Variants in LY6G5C observed in about 807,000 individuals in gnomAD.
LY6G5C encodes the protein lymphocyte antigen 6 complex locus protein G5c.
In LY6G5C, 6 loss-of-function variants were observed where a neutral mutation model predicts 10.5. That is an observed-to-expected ratio of 0.57 (90% CI 0.31 to 1.12). LY6G5C has a LOEUF of 1.12. Among genes scored for constraint, LY6G5C ranks in the 50% most tolerant of loss-of-function variants. The pLI, the probability that LY6G5C is intolerant of heterozygous loss-of-function variation, is 0.05. For synonymous variants in LY6G5C, 69 were observed against 67.8 expected, an observed-to-expected ratio of 1.02 and a Z score of -0.09; for missense variants, 160 against 185.5, an observed-to-expected ratio of 0.86 and a Z score of 0.80.
In LY6G5C at chr6:31,679,050, G is replaced by C. The variant is rs1359217669; in HGVS notation, c.289+51C>G. The C allele has an allele frequency of 3.8e-6, 6 of 1,584,544 alleles. No individual in the cohort carries two copies. The highest frequency in any genetic ancestry group is 5.2e-6 in the Non-Finnish European group (6 of 1,154,614). ...TGGGGTGCAGCTTAGGAGGCTGAGA[G>C]AGTTTCCGTTTGGGAGAGTGCTGGG... On this transcript the variant is annotated intron_variant, in intron 2 of 2. Transcript: ENST00000383237. The surrounding 1 kb of genome is among the most constrained non-coding windows in gnomAD (Gnocchi z 4.4).
rs144431723 is a variant in LY6G5C at position 31,680,004 on chromosome 6, G to A, written c.121+249C>T. On this transcript the variant is annotated intron_variant, in intron 1 of 2. Transcript: ENST00000383237. The surrounding 1 kb of genome is among the most constrained non-coding windows in gnomAD (Gnocchi z 4.5). ...GGAGGTTGCAGTGAGCCGAGATCTCGCCACTGCACTCCGGCCTGGGATACA... is the reference window on the plus strand; with the variant it reads ...GGAGGTTGCAGTGAGCCGAGATCTCACCACTGCACTCCGGCCTGGGATACA... The A allele has an allele frequency of 4.1e-3, 1,523 of 370,538 alleles. 23 individuals carry two copies. Among genetic ancestry groups the A allele is most frequent in the African/African-American group, 0.027 (1,314 of 48,134 alleles). 23.0% of individuals were successfully genotyped at this position (370,538 alleles called of 1,614,324 possible). A position where few individuals can be genotyped will look rare whatever the true frequency, so the allele number is the denominator to read the frequency against.
chr6:31,677,036 G>A (rs1802616565), exon 3 of LY6G5C: 1 of 1,612,994 alleles, frequency 6.2e-7, no homozygotes, highest in African/African-American at 1.3e-5. Flanking sequence ...CCAGAAGCCA[G>A]ACACCGGAGA....
chr6:31,677,089 G>C, exon 3 of LY6G5C: 1 of 1,612,894 alleles, frequency 6.2e-7, no homozygotes, highest in Non-Finnish European at 8.5e-7. Context: ...CCTTACTTCG[G>C]CAGTCACTCA....
At chr6:31,677,206 A>G in intron 2 of LY6G5C, 86 bp from the exon 3 acceptor site, 1 of 1,361,484 alleles carries the variant, frequency 7.3e-7, no homozygotes, top group Non-Finnish European at 1.0e-6. Flanking sequence ...TAAGTCAAAA[A>G]AAAAAGAAAA....
At chr6:31,680,450 C>T (rs1304493458), upstream of LY6G5C, 18 of 1,507,174 alleles carry the variant, frequency 1.2e-5, no homozygotes, top group Non-Finnish European at 1.5e-5. This position sits in a 1 kb window ranked among gnomAD's most constrained non-coding sequence, Gnocchi z 4.5. Context: ...GAGGCAACAC[C>T]AGCTCAGGGT....
Position 31,679,092 on chromosome 6 carries a change from GC to G in LY6G5C, c.289+8del, listed in dbSNP as rs765230778. 77 of 1,612,758 alleles carry G rather than the reference GC, an allele frequency of 4.8e-5. No homozygotes were observed. Among genetic ancestry groups the G allele is most frequent in the Non-Finnish European group, 6.4e-5 (76 of 1,179,910 alleles). On this transcript the variant is annotated splice_region_variant and intron_variant, in intron 2 of 2. Transcript: ENST00000383237. The surrounding 1 kb of genome is among the most constrained non-coding windows in gnomAD (Gnocchi z 4.4). ...AGTGCTGGGCCCATGACAGGAGAAG[GC>G]CACTTACTGTTCTTTTTGTGGAGAG...
intron 2 of LY6G5C, 133 bp downstream of exon 2, chr6:31,678,968 G>C (rs1305536553): frequency 1.2e-6 from 1 of 845,490 alleles, no homozygotes; most frequent in Non-Finnish European, 1.8e-6. Flanking sequence ...TGACAGAGCA[G>C]CAAAAAAAAA....
rs1278219108 is a variant in LY6G5C at position 31,680,102 on chromosome 6, G to C, written c.121+151C>G. ...ATCTTCAGATTGCACATCAGTCCAT[G>C]AGCAGGCATTCCCTACCAAACCCAT... is the stretch of plus-strand genomic sequence containing the variant. On this transcript the variant is annotated intron_variant, in intron 1 of 2. Coordinates refer to ENST00000383237, the Ensembl canonical transcript of LY6G5C. This position sits in a 1 kb window ranked among gnomAD's most constrained non-coding sequence, Gnocchi z 4.5. The C allele has an allele frequency of 1.3e-6, 1 of 793,306 alleles. No homozygotes were observed. The highest frequency in any genetic ancestry group is 2.2e-6 in the Non-Finnish European group (1 of 463,754). The allele number at this position is 793,306 out of a possible 1,614,324, so 49.1% of individuals were successfully genotyped here.
intron 2 of LY6G5C, among the ~76,000 whole-genome samples, chr6:31,678,808 A>G (rs992772236): frequency 2.6e-5 from 4 of 152,056 alleles, no homozygotes; most frequent in Admixed American, 1.3e-4. Context: ...GTGAATCCCC[A>G]TCTCTACTAA....
rs1184221792 is a variant in LY6G5C, at chr6:31,679,198, T to A, written c.192A>T (p.Arg64=). Residue 64 remains arginine (R), a synonymous_variant, in exon 2 of 3, where the codon CGA becomes CGT. Coordinates refer to ENST00000383237, the Ensembl canonical transcript of LY6G5C. This position sits in a 1 kb window ranked among gnomAD's most constrained non-coding sequence, Gnocchi z 4.4. ...CTAACTCCTTGGTCTCCAAGAGGCA[T>A]CGGTAGCAGCGCAGGTATTTGGGGA... 1.2e-6 allele frequency: 2 copies of A among 1,612,928 alleles called. No homozygotes were observed.
At chr6:31,677,279 C>T (rs1421649396) in intron 2 of LY6G5C, among the ~76,000 whole-genome samples, 159 bp from the exon 3 acceptor site, 1 of 152,044 alleles carries the variant, frequency 6.6e-6, no homozygotes, top group East Asian at 1.9e-4. Context: ...CATGGAACTC[C>T]ACTGAAGTTC....
upstream of LY6G5C, chr6:31,680,419 G>A (rs995730922): frequency 4.4e-6 from 7 of 1,577,800 alleles, no homozygotes; most frequent in African/African-American, 2.7e-5. This position sits in a 1 kb window ranked among gnomAD's most constrained non-coding sequence, Gnocchi z 4.5. Flanking sequence ...GTGGAAGAGA[G>A]GTTGGCCAAG....
At chr6:31,677,220 A>G in intron 2 of LY6G5C, 100 bp from the exon 3 acceptor site, 1 of 1,274,952 alleles carries the variant, frequency 7.8e-7, no homozygotes, top group Non-Finnish European at 1.1e-6. Flanking sequence ...AAGAAAAAGA[A>G]AAGATTCCTG....
rs1490100153 is a variant in LY6G5C at position 31,679,508 on chromosome 6, G to C, written c.122-240C>G. The C allele has an allele frequency of 3.5e-6, 2 of 575,556 alleles. No homozygotes were observed. The highest frequency in any genetic ancestry group is 3.0e-5 in the Admixed American group (1 of 33,486). The allele number at this position is 575,556 out of a possible 1,614,324, so 35.7% of individuals were successfully genotyped here. ...AGACCCAGCAGAGCACTTGGTGTTA[G>C]GCAGAGGAAAGTGCTAAACCAACAC... On this transcript the variant is annotated intron_variant, in intron 1 of 2. Coordinates refer to ENST00000383237, the Ensembl canonical transcript of LY6G5C. This position sits in a 1 kb window ranked among gnomAD's most constrained non-coding sequence, Gnocchi z 4.4.
chr6:31,676,734 CAA>C (rs1004794330), downstream of LY6G5C: 4 of 516,662 alleles, frequency 7.7e-6, no homozygotes, highest in African/African-American at 1.9e-5. Context: ...GACTAGGGGA[CAA>C]GAGAGGAAAC....
At chr6:31,676,772 C>T in exon 3 of LY6G5C, 1 of 576,928 alleles carries the variant, frequency 1.7e-6, no homozygotes, top group Non-Finnish European at 3.1e-6. Context: ...GCTGGGGGTA[C>T]AGAGTAGCAG....
chr6:31,679,486 C>A lies in LY6G5C; in HGVS notation c.122-218G>T. 1 of 594,144 alleles carries A rather than the reference C, an allele frequency of 1.7e-6. No individual in the cohort carries two copies. The highest frequency in any genetic ancestry group is 2.0e-5 in the South Asian group (1 of 48,802). The allele number at this position is 594,144 out of a possible 1,614,324, so 36.8% of individuals were successfully genotyped here. A position where few individuals can be genotyped will look rare whatever the true frequency, so the allele number is the denominator to read the frequency against. ...GACCACATGTTAACAAATCCCCAGACCCAGCAGAGCACTTGGTGTTAGGCA... is the reference window on the plus strand; with the variant it reads ...GACCACATGTTAACAAATCCCCAGAACCAGCAGAGCACTTGGTGTTAGGCA... On this transcript the variant is annotated intron_variant, in intron 1 of 2. Transcript: ENST00000383237. The surrounding 1 kb of genome is among the most constrained non-coding windows in gnomAD (Gnocchi z 4.4).
Position 31,679,265 on chromosome 6 carries a change from T to G in LY6G5C, c.125A>C (p.Lys42Thr), listed in dbSNP as rs1802752517. ...GGGTTCCCAATTGACAGGAACAAAC[T>G]TACCTAGAACACAGAGAAGTGCTGA... The change falls in exon 2 of 3, where the codon AAG becomes ACG. Residue 42 changes from lysine to threonine, a missense_variant. Physicochemically the swap from Lys to Thr is moderately conservative, Grantham distance 78. Coordinates refer to ENST00000383237, the Ensembl canonical transcript of LY6G5C. The surrounding 1 kb of genome is among the most constrained non-coding windows in gnomAD (Gnocchi z 4.4). 6.2e-7 allele frequency: 1 copy of G among 1,612,882 alleles called. No homozygotes were observed. The highest frequency in any genetic ancestry group is 8.5e-7 in the Non-Finnish European group (1 of 1,179,962).
Position 31,679,173 on chromosome 6 carries a change from C to T in LY6G5C, c.217G>A (p.Gly73Arg). 6.2e-7 allele frequency: 1 copy of T among 1,612,998 alleles called. No individual in the cohort carries two copies. Among genetic ancestry groups the T allele is most frequent in the Non-Finnish European group, 8.5e-7 (1 of 1,180,004 alleles). ...CAGATGTCAGATCCCAGAAGGCACC[C>T]TAACTCCTTGGTCTCCAAGAGGCAT... The change falls in exon 2 of 3, where the codon GGG (glycine) becomes AGG (arginine). Residue 73 changes from glycine (G) to arginine (R), a missense_variant. Gly to Arg is a moderately radical substitution (Grantham distance 125). Coordinates refer to ENST00000383237, the Ensembl canonical transcript of LY6G5C. The surrounding 1 kb of genome is among the most constrained non-coding windows in gnomAD (Gnocchi z 4.4).
Sources: gnomAD v4.1 joint callset for allele counts (sites outside exome capture counted in the v4.1 genomes callset) on GRCh38, gnomAD v4.1.1 for gene constraint, Gnocchi (gnomAD v3.1) non-coding constraint, MANE v1.5 for transcripts, NCBI Gene and HGNC (gene_info 2026-07-23, HGNC 2026-07-21) for gene names.